SMPD3: variants seen among roughly 807,000 people sequenced by gnomAD.
SMPD3 encodes the protein sphingomyelin phosphodiesterase 3, also known as nSMase-2.
SMPD3 carries 21 observed loss-of-function variants against 55.7 expected under a neutral mutation model. The observed-to-expected ratio is 0.38, with a 90% CI of 0.27 to 0.54. SMPD3 has a LOEUF of 0.54. SMPD3 is among the 20% of genes least tolerant of loss of function. SMPD3 has a pLI of 0.80. For synonymous variants in SMPD3, 457 were observed against 404.3 expected (o/e 1.13, Z -1.56); for missense variants, 842 against 899.6 (o/e 0.94, Z 0.82).
At chr16:68,431,643 C>T (rs1011481303) in intron 1 of SMPD3, among the ~76,000 whole-genome samples, 10 of 152,198 alleles carry the variant, frequency 6.6e-5, no homozygotes, top group African/African-American at 2.2e-4. Context: ...GGATTTCGGC[C>T]GGGTGTCATG....
chr16:68,367,879 C>A (rs952453680), intron 3 of SMPD3: 1 of 152,232 alleles, frequency 6.6e-6, no homozygotes, highest in African/African-American at 2.4e-5. Flanking sequence ...GAATAAGGCT[C>A]TATTGTAGGT....
intron 1 of SMPD3, among the ~76,000 whole-genome samples, chr16:68,396,219 C>A (rs1362490091): frequency 6.6e-6 from 1 of 152,196 alleles, no homozygotes; most frequent in Non-Finnish European, 1.5e-5. Context: ...TGGGCTGAAG[C>A]CTGTGATCCC....
intron 2 of SMPD3, among the ~76,000 whole-genome samples, chr16:68,373,878 C>T (rs2089739944): frequency 6.6e-6 from 1 of 152,176 alleles, no homozygotes; most frequent in Non-Finnish European, 1.5e-5. Flanking sequence ...GTGTCCCGTC[C>T]CTGCCTGCCA....
chr16:68,380,067 C>T (rs1567792117), intron 2 of SMPD3, among the ~76,000 whole-genome samples: 1 of 152,252 alleles, frequency 6.6e-6, no homozygotes, highest in African/African-American at 2.4e-5. Flanking sequence ...CCTGACTGCC[C>T]ACTCTCTACC....
chr16:68,371,062 A>C lies in SMPD3; in HGVS notation c.1120T>G (p.Leu374Val), dbSNP rs769682666. Residue 374 changes from leucine (L) to valine (V), a missense_variant, in exon 3 of 9, where the codon TTG becomes GTG. Physicochemically the swap from Leu to Val is conservative, Grantham distance 32 (BLOSUM62 1). Coordinates refer to ENST00000219334, the MANE Select transcript of SMPD3 (RefSeq NM_018667.4). Reference sequence around the variant, plus strand: ...AAGTAGCCGTGCAGCTGCTCTTTCAATTTGGTGGCTGCTCGCTTGTCAAAC... The same window carrying C: ...AAGTAGCCGTGCAGCTGCTCTTTCACTTTGGTGGCTGCTCGCTTGTCAAAC... ...EVFDKRAATK[L>V]KEQLHGYFEY... The C allele has an allele frequency of 2.5e-6, 4 of 1,614,020 alleles. No individual in the cohort carries two copies. The highest frequency in any genetic ancestry group is 3.3e-5 in the Admixed American group (2 of 60,006).
chr16:68,359,490 T>G lies in SMPD3; in HGVS notation c.*1716A>C, dbSNP rs2151965724. The G allele has an allele frequency of 6.5e-6, 1 of 152,862 alleles. No individual in the cohort carries two copies. Among genetic ancestry groups the G allele is most frequent in the South Asian group, 2.1e-4 (1 of 4,834 alleles). The allele number at this position is 152,862 out of a possible 1,614,324, so 9.5% of individuals were successfully genotyped here. A position where few individuals can be genotyped will look rare whatever the true frequency, so the allele number is the denominator to read the frequency against. On this transcript the variant is annotated 3_prime_UTR_variant, in exon 9 of 9. Coordinates refer to ENST00000219334, the MANE Select transcript of SMPD3 (RefSeq NM_018667.4). The stretch of plus-strand genomic sequence containing the variant: ...ACGCACGTCCTAGCGCCAGGCTCCC[T>G]GGGCTCTGCAGCGTTGTCTGCCCCA...
intron 1 of SMPD3, among the ~76,000 whole-genome samples, chr16:68,433,611 G>A (rs779585876): frequency 2.2e-4 from 33 of 152,252 alleles, no homozygotes; most frequent in Non-Finnish European, 4.1e-4. Flanking sequence ...GAGTATGGAA[G>A]GGTGGAAAGG....
Position 68,417,628 on chromosome 16 carries a change from G to A in SMPD3, c.-269+30725C>T, listed in dbSNP as rs79945742. 5.6e-3 allele frequency among the ~76,000 whole-genome samples: 855 copies of A among 152,280 alleles called. 11 individuals carry two copies. Among genetic ancestry groups the A allele is most frequent in the African/African-American group, 0.02 (819 of 41,534 alleles). ...CACAAACAACTGGGGAAGAGATTGG[G>A]CTTTCTTTGCTTTGGCTGCTAGGAA... is the stretch of plus-strand genomic sequence containing the variant. On this transcript the variant is annotated intron_variant, in intron 1 of 8. Coordinates refer to ENST00000219334, the MANE Select transcript of SMPD3 (RefSeq NM_018667.4).
chr16:68,415,346 G>A (rs925685756), intron 1 of SMPD3, among the ~76,000 whole-genome samples: 1 of 152,156 alleles, frequency 6.6e-6, no homozygotes, highest in Admixed American at 6.5e-5. Context: ...TGGGGGTCAG[G>A]CAGTAAGGGG....
chr16:68,364,253 T>G (rs2089407926), intron 5 of SMPD3, among the ~76,000 whole-genome samples: 1 of 152,226 alleles, frequency 6.6e-6, no homozygotes, highest in Non-Finnish European at 1.5e-5. Context: ...CCTAATGGTT[T>G]AAGGTGCAAT....
intron 6 of SMPD3, 77 bp from the exon 7 acceptor site, chr16:68,363,636 G>C (rs1322050176): frequency 6.8e-7 from 1 of 1,473,874 alleles, no homozygotes; most frequent in Non-Finnish European, 9.3e-7. Flanking sequence ...CTCTGTGGGT[G>C]GACACGGGCT....
intron 1 of SMPD3, among the ~76,000 whole-genome samples, chr16:68,423,975 G>A (rs1336166256): frequency 6.6e-6 from 1 of 151,936 alleles, no homozygotes; most frequent in Non-Finnish European, 1.5e-5. Context: ...CCACAGTGAG[G>A]GTGGACATGG....
intron 1 of SMPD3, among the ~76,000 whole-genome samples, chr16:68,443,281 T>C (rs1468392619): frequency 2.0e-5 from 3 of 152,142 alleles, no homozygotes; most frequent in Non-Finnish European, 4.4e-5. Context: ...AGGACAGGAA[T>C]GTGATGCTTT....
chr16:68,425,012 A>G lies in SMPD3; in HGVS notation c.-269+23341T>C, dbSNP rs149104061. On this transcript the variant is annotated intron_variant, in intron 1 of 8. Coordinates refer to ENST00000219334, the MANE Select transcript of SMPD3 (RefSeq NM_018667.4). ...CTGGTATAAGCCACTGCGCCTGGCT[A>G]TATTATAAACCAGAAGAATGTTCTT... Among the ~76,000 whole-genome samples the G allele has an allele frequency of 3.3e-4, 51 of 152,330 alleles. No individual in the cohort carries two copies. In the East Asian group the frequency reaches 9.5e-3, roughly 28 times the overall value.
intron 1 of SMPD3, 79 bp downstream of exon 1, chr16:68,448,274 G>T (rs950387055): frequency 1.3e-5 from 2 of 152,496 alleles, no homozygotes; most frequent in Non-Finnish European, 2.9e-5. Context: ...ACGAGAACAC[G>T]TCCCGTCAAC....
At chr16:68,388,301 GCAGAGGGTGAC>G (rs544680577) in intron 1 of SMPD3, among the ~76,000 whole-genome samples, 2 of 152,210 alleles carry the variant, frequency 1.3e-5, no homozygotes, top group South Asian at 4.1e-4. Flanking sequence ...CTGCCGGGAA[GCAGAGGGTGAC>G]CTGCTGTCCC....
At position 68,365,001 on chromosome 16, in the gene SMPD3, T is replaced by G. The variant is rs1254369959; in HGVS notation, c.1399+16A>C. 8.7e-6 allele frequency: 14 copies of G among 1,613,828 alleles called. No individual in the cohort carries two copies. Among genetic ancestry groups the G allele is most frequent in the Non-Finnish European group, 1.1e-5 (13 of 1,179,970 alleles). ...ATCCCATGCCTAGAAAAAACACAGG[T>G]GGGCGGCAACCCTACCTTGCGGGGC... On this transcript the variant is annotated intron_variant, in intron 4 of 8. Coordinates refer to ENST00000219334, the MANE Select transcript of SMPD3 (RefSeq NM_018667.4).
At chr16:68,363,418 C>T (rs891420103) in intron 7 of SMPD3, 78 bp downstream of exon 7, 4 of 1,522,668 alleles carry the variant, frequency 2.6e-6, no homozygotes, top group Admixed American at 3.4e-5. Context: ...TGAGCTCTCC[C>T]ATGTGGGTCC....
At chr16:68,367,192 G>A (rs2151977619) in intron 3 of SMPD3, 2 of 152,168 alleles carry the variant, frequency 1.3e-5, no homozygotes, top group East Asian at 3.9e-4. Flanking sequence ...GACCACACGG[G>A]GGCGCCGTCT....
Sources: allele counts gnomAD v4.1 joint callset (sites outside exome capture counted in the v4.1 genomes callset), GRCh38; gene constraint gnomAD v4.1.1; transcripts MANE v1.5; gene names NCBI Gene and HGNC (gene_info 2026-07-23, HGNC 2026-07-21).